TRIM2: variants seen among roughly 807,000 people sequenced by gnomAD.
TRIM2 encodes tripartite motif containing 2, also known as tripartite motif-containing protein 2.
TRIM2 carries 20 observed loss-of-function variants against 75.2 expected under a neutral mutation model. The ratio of observed to expected loss-of-function variants is 0.27; its 90% CI spans 0.19 to 0.39. The LOEUF (loss-of-function observed/expected upper bound fraction) is 0.39. Among genes scored for constraint, TRIM2 ranks in the 10% least tolerant of loss-of-function variants. TRIM2 has a pLI of 1.00. For synonymous variants in TRIM2, 373 were observed against 388.3 expected (o/e 0.96, Z 0.46); for missense variants, 660 against 990.8 (o/e 0.67, Z 4.48).
intron 1 of TRIM2, among the ~76,000 whole-genome samples, chr4:153,159,709 A>G (rs1729571767): frequency 6.6e-6 from 1 of 152,188 alleles, no homozygotes; most frequent in African/African-American, 2.4e-5. Flanking sequence ...AAATTTGAAT[A>G]TACTTTTCTA....
At chr4:153,203,231 G>T (rs1439692455), upstream of TRIM2, among the ~76,000 whole-genome samples, 2 of 151,814 alleles carry the variant, frequency 1.3e-5, no homozygotes, top group Non-Finnish European at 1.5e-5. Flanking sequence ...AAATGCTCAT[G>T]GTCTGGCATG....
At chr4:153,316,684 C>A (rs1044778417) in intron 8 of TRIM2, among the ~76,000 whole-genome samples, 1 of 152,030 alleles carries the variant, frequency 6.6e-6, no homozygotes, top group African/African-American at 2.4e-5. Context: ...CAGCTTTTTG[C>A]AAATAAAAAT....
At chr4:153,238,081 G>A (rs1745494301) in intron 1 of TRIM2, among the ~76,000 whole-genome samples, 1 of 152,082 alleles carries the variant, frequency 6.6e-6, no homozygotes, top group Admixed American at 6.5e-5. Flanking sequence ...CCAAGAAAAA[G>A]GGCCCAGGAA....
At chr4:153,234,727 T>A (rs1338789335) in intron 1 of TRIM2, among the ~76,000 whole-genome samples, 1 of 152,152 alleles carries the variant, frequency 6.6e-6, no homozygotes, top group Non-Finnish European at 1.5e-5. Context: ...TGGTTAACAG[T>A]CAATGCTTGT....
chr4:153,257,896 G>T, intron 1 of TRIM2: 1 of 282,230 alleles, frequency 3.5e-6, no homozygotes, highest in South Asian at 3.6e-5. Flanking sequence ...GTAAAATGCA[G>T]ACCCATTCTT....
At chr4:153,272,519 C>G (rs1756963233) in intron 2 of TRIM2, among the ~76,000 whole-genome samples, 2 of 152,006 alleles carry the variant, frequency 1.3e-5, no homozygotes, top group African/African-American at 4.8e-5. Flanking sequence ...CAGGATCTCA[C>G]TCTGTCACCC....
At chr4:153,236,424 C>G (rs1745047774) in intron 1 of TRIM2, among the ~76,000 whole-genome samples, 1 of 152,136 alleles carries the variant, frequency 6.6e-6, no homozygotes, top group African/African-American at 2.4e-5. Flanking sequence ...CTGGCTCTTT[C>G]TGTTTAGCCC....
Position 153,193,711 on chromosome 4 carries a change from AC to A in TRIM2, c.-49+40442del, listed in dbSNP as rs372958875. Among the ~76,000 whole-genome samples the A allele has an allele frequency of 9.9e-4, 150 of 152,268 alleles. 2 individuals are homozygous for A. Among genetic ancestry groups the A allele is most frequent in the African/African-American group, 3.4e-3 (140 of 41,552 alleles). ...TGGCCTATTCTGAGTCTGCTCTCAA[AC>A]ACTACCATGCTGCCTTTATTAATTA... On this transcript the variant is annotated intron_variant, in intron 1 of 11. Coordinates refer to the TRIM2 transcript ENST00000437508.
At chr4:153,321,894 AT>A (rs750035213) in intron 8 of TRIM2, among the ~76,000 whole-genome samples, 8 of 152,248 alleles carry the variant, frequency 5.3e-5, no homozygotes, top group East Asian at 1.9e-4. Flanking sequence ...TCGAGTTGTC[AT>A]TTTTTGGACA....
intron 1 of TRIM2, among the ~76,000 whole-genome samples, chr4:153,175,001 GTTTTTGTTTTGTTTTGT>G (rs1487396418): frequency 9.1e-6 from 1 of 109,864 alleles, no homozygotes; most frequent in Non-Finnish European, 2.0e-5. Flanking sequence ...TTGTTGTTTT[GTTTTTGTTTTGTTTTGT>G]TTTTTTTTGA....
chr4:153,184,187 T>A (rs1732357905), intron 1 of TRIM2, among the ~76,000 whole-genome samples: 1 of 152,118 alleles, frequency 6.6e-6, no homozygotes, highest in African/African-American at 2.4e-5. Context: ...GGACTGGGTG[T>A]CTTCAACAAC....
At chr4:153,192,461 G>T (rs1439756457) in intron 1 of TRIM2, among the ~76,000 whole-genome samples, 1 of 151,942 alleles carries the variant, frequency 6.6e-6, no homozygotes, top group Non-Finnish European at 1.5e-5. Context: ...ACAAAAATTA[G>T]CTGGGCATAG....
At chr4:153,260,709 C>T (rs1300219234) in intron 1 of TRIM2, among the ~76,000 whole-genome samples, 1 of 89,762 alleles carries the variant, frequency 1.1e-5, no homozygotes, top group African/African-American at 4.6e-5. Flanking sequence ...CCCACACACA[C>T]ACACACACAC....
intron 1 of TRIM2, among the ~76,000 whole-genome samples, chr4:153,160,513 A>G (rs1404572576): frequency 6.6e-6 from 1 of 152,214 alleles, no homozygotes; most frequent in Non-Finnish European, 1.5e-5. Flanking sequence ...GCCTCAAGGC[A>G]TCCTCCCACT....
rs398064151 is a variant in TRIM2, at chr4:153,171,840, C to CTTTTT, written c.-49+18580_-49+18584dup. 1.5e-3 allele frequency among the ~76,000 whole-genome samples: 171 copies of CTTTTT among 114,770 alleles called. 8 individuals are homozygous for CTTTTT. Among genetic ancestry groups the CTTTTT allele is most frequent in the South Asian group, 7.1e-3 (26 of 3,640 alleles). The allele number at this position is 114,770 out of a possible 152,430, so 75.3% of individuals were successfully genotyped here. A position where few individuals can be genotyped will look rare whatever the true frequency, so the allele number is the denominator to read the frequency against. The stretch of plus-strand genomic sequence containing the variant: ...TTTTTGCCATATTTTCGTTTTGGGG[C>CTTTTT]TTTTTTTTTTTTTTCGCTAATGTAT... On this transcript the variant is annotated intron_variant, in intron 1 of 11. Transcript: ENST00000437508.
In TRIM2 at chr4:153,335,530, A is replaced by G. The variant is rs1453582789; in HGVS notation, c.*564A>G. 1.0e-6 allele frequency: 1 copy of G among 985,330 alleles called. No homozygotes were observed. The highest frequency in any genetic ancestry group is 1.2e-6 in the Non-Finnish European group (1 of 829,940). The allele number at this position is 985,330 out of a possible 1,614,324, so 61.0% of individuals were successfully genotyped here. On this transcript the variant is annotated 3_prime_UTR_variant, in exon 12 of 12. Coordinates refer to ENST00000338700, the MANE Select transcript of TRIM2 (RefSeq NM_015271.5). ...TTGCAAAATGATCCCAGCTCTGATT[A>G]GCAGCCCTCTGGAGTTCAGAACTTA...
rs1772403487 is a variant in TRIM2 at position 153,336,023 on chromosome 4, G to A, written c.*1057G>A. 2.0e-6 allele frequency: 2 copies of A among 985,624 alleles called. No homozygotes were observed. Among genetic ancestry groups the A allele is most frequent in the Non-Finnish European group, 2.4e-6 (2 of 829,928 alleles). 61.1% of individuals were successfully genotyped at this position (985,624 alleles called of 1,614,324 possible). A position where few individuals can be genotyped will look rare whatever the true frequency, so the allele number is the denominator to read the frequency against. ...GTTGTGTTATCTTGAAAGCATTACA[G>A]GTAAGGGCATGTTATGGTTATTTAT... On this transcript the variant is annotated 3_prime_UTR_variant, in exon 12 of 12. Transcript: ENST00000338700.
intron 6 of TRIM2, among the ~76,000 whole-genome samples, chr4:153,313,724 C>A (rs1238930578): frequency 6.7e-6 from 1 of 150,294 alleles, no homozygotes; most frequent in Non-Finnish European, 1.5e-5. Flanking sequence ...CCTCCACCTC[C>A]CATGTTTGTT....
chr4:153,258,123 C>T (rs1407478588), intron 1 of TRIM2, among the ~76,000 whole-genome samples: 3 of 152,118 alleles, frequency 2.0e-5, no homozygotes, highest in African/African-American at 7.2e-5. Context: ...ATTCCTTCCT[C>T]GCTGCCCCAG....
Sources: allele counts gnomAD v4.1 joint callset (sites outside exome capture counted in the v4.1 genomes callset), GRCh38; gene constraint gnomAD v4.1.1; transcripts MANE v1.5; gene names NCBI Gene and HGNC (gene_info 2026-07-23, HGNC 2026-07-21).